The following ABCA1 variants were observed in gnomAD, a reference collection of about 807,000 sequenced individuals.
ABCA1 encodes phospholipid-transporting ATPase ABCA1.
In ABCA1, 133 loss-of-function variants were observed where a neutral mutation model predicts 262.5. The ratio of observed to expected loss-of-function variants is 0.51; its 90% CI spans 0.44 to 0.59. The LOEUF is 0.59. ABCA1 is among the 20% of genes least tolerant of loss of function. The probability of loss-of-function intolerance (pLI) is 0.00; values close to 1 mark genes in which losing one functional copy is unlikely to be tolerated. For synonymous variants in ABCA1, 1,022 were observed against 1,043.5 expected (o/e 0.98, Z 0.40); for missense variants, 2,452 against 2,777.5 (o/e 0.88, Z 2.63).
intron 13 of ABCA1, 55 bp from the exon 14 acceptor site, chr9:104,831,156 A>T: frequency 2.1e-6 from 3 of 1,437,538 alleles, no homozygotes; most frequent in East Asian, 2.7e-5. Context: ...CAATAAAAAA[A>T]AAAAAAAAAA....
At chr9:104,829,390 G>A (rs1014451493) in intron 14 of ABCA1, among the ~76,000 whole-genome samples, 4 of 151,986 alleles carry the variant, frequency 2.6e-5, no homozygotes, top group Non-Finnish European at 5.9e-5. Flanking sequence ...CTAGGTAACT[G>A]TGAGCGATAC....
intron 6 of ABCA1, chr9:104,861,451 A>G (rs1220025626): frequency 4.9e-6 from 3 of 611,212 alleles, no homozygotes; most frequent in African/African-American, 3.7e-5. Context: ...GCCAGAAATC[A>G]ATTTTATTTT....
rs2297401 is a variant in ABCA1 at position 104,817,191 on chromosome 9, A to C, written c.3535+141T>G. On this transcript the variant is annotated intron_variant, in intron 24 of 49. Transcript: ENST00000374736. The surrounding 1 kb of genome is among the most constrained non-coding windows in gnomAD (Gnocchi z 4.7). ...CAACCCGCCACCAAGCTGCTCCCAC[A>C]CCCGCAGCCACCCAGCCCCAGCCCA... 0.046 allele frequency: 71,275 copies of C among 1,557,018 alleles called. 2,020 individuals carry two copies. The highest frequency in any genetic ancestry group is 0.14 in the East Asian group (5,743 of 41,914).
In ABCA1 at chr9:104,786,853, C is replaced by A. The variant is rs1321390016; in HGVS notation, c.6308+20G>T. The A allele has an allele frequency of 1.3e-6, 2 of 1,598,286 alleles. No individual in the cohort carries two copies. The highest frequency in any genetic ancestry group is 2.7e-5 in the African/African-American group (2 of 74,576). ...AGTTAAAACATCCCACAGTGAGGAA[C>A]CCAAGACTTTACTACGGACCTATGA... On this transcript the variant is annotated intron_variant, in intron 47 of 49. Transcript: ENST00000374736.
rs368105002 is a variant in ABCA1, at chr9:104,793,245, G to A, written c.5562C>T (p.Phe1854=). 73 of 1,613,960 alleles carry A rather than the reference G, an allele frequency of 4.5e-5. No individual in the cohort carries two copies. The highest frequency in any genetic ancestry group is 5.6e-5 in the Non-Finnish European group (66 of 1,180,014). ...LSWDLVGRNL[F]AMAVEGVVFF... ...ACACCACCCCTTCCACGGCCATGGC[G>A]AAGAGGTTTCGTCCCACCAAGTCCC... Residue 1854 remains phenylalanine (F), a synonymous_variant, in exon 41 of 50, where the codon TTC becomes TTT. Coordinates refer to ENST00000374736, the MANE Select transcript of ABCA1 (RefSeq NM_005502.4).
At chr9:104,881,556 T>G (rs1350522353) in intron 5 of ABCA1, among the ~76,000 whole-genome samples, 2 of 152,158 alleles carry the variant, frequency 1.3e-5, no homozygotes, top group Admixed American at 6.5e-5. Context: ...TTTATCTCAT[T>G]AACAGGTAAG....
intron 2 of ABCA1, among the ~76,000 whole-genome samples, chr9:104,897,845 C>T (rs1046978056): frequency 3.3e-5 from 5 of 152,180 alleles, no homozygotes; most frequent in African/African-American, 4.8e-5. Context: ...TCAAGTGATC[C>T]GCCCACCTTG....
intron 26 of ABCA1, 47 bp from the exon 27 acceptor site, chr9:104,814,278 A>G (rs113493479): frequency 6.2e-7 from 1 of 1,601,922 alleles, no homozygotes; most frequent in African/African-American, 1.3e-5. Context: ...ATTTACAACA[A>G]AACAAACCTT....
In ABCA1 at chr9:104,786,363, AG is replaced by A. The variant is rs1309681331; in HGVS notation, c.6335del (p.Thr2112IlefsTer20). ...HSMEECEALC[T>X]RMAIMVNGRF... ...TTCCATTGACCATGATTGCCATCCT[AG>A]TGCAAAGAGCTTCACATTCTTCCAT... On this transcript the variant is annotated frameshift_variant, in exon 48 of 50. Transcript: ENST00000374736. LOFTEE classifies it high-confidence loss of function. 5 of 1,614,158 alleles carry A rather than the reference AG, an allele frequency of 3.1e-6. No individual in the cohort carries two copies. Among genetic ancestry groups the A allele is most frequent in the Non-Finnish European group, 4.2e-6 (5 of 1,180,016 alleles).
At chr9:104,875,179 ATAAAAAT>A (rs1455556872) in intron 5 of ABCA1, among the ~76,000 whole-genome samples, 2 of 152,124 alleles carry the variant, frequency 1.3e-5, no homozygotes, top group South Asian at 4.1e-4. Context: ...AAATAAATAA[ATAAAAAT>A]TAAAAAATTA....
intron 5 of ABCA1, among the ~76,000 whole-genome samples, chr9:104,871,732 G>A (rs905807769): frequency 2.0e-5 from 3 of 152,236 alleles, no homozygotes; most frequent in Middle Eastern, 6.8e-3. Flanking sequence ...GGAGTGAAAA[G>A]AAGGTAAGAG....
chr9:104,862,489 TCA>T lies in ABCA1; in HGVS notation c.422-691_422-690del, dbSNP rs534991380. Among the ~76,000 whole-genome samples, 668 of 152,144 alleles carry T rather than the reference TCA, an allele frequency of 4.4e-3. 9 individuals are homozygous for T. The highest frequency in any genetic ancestry group is 0.015 in the African/African-American group (630 of 41,518). ...TCATTCCTGTCTCCCCACTGCCTTT[TCA>T]CAGAGCTAAAATTGGAGAGATTTAA... On this transcript the variant is annotated intron_variant, in intron 5 of 49. Coordinates refer to ENST00000374736, the MANE Select transcript of ABCA1 (RefSeq NM_005502.4).
At position 104,817,186 on chromosome 9, in the gene ABCA1, C is replaced by T. The variant is rs1831851172; in HGVS notation, c.3535+146G>A. On this transcript the variant is annotated intron_variant, in intron 24 of 49. Transcript: ENST00000374736. This position sits in a 1 kb window ranked among gnomAD's most constrained non-coding sequence, Gnocchi z 4.7. Reference sequence around the variant, plus strand: ...TAGGCCAACCCGCCACCAAGCTGCTCCCACACCCGCAGCCACCCAGCCCCA... The same window carrying T: ...TAGGCCAACCCGCCACCAAGCTGCTTCCACACCCGCAGCCACCCAGCCCCA... 9.0e-6 allele frequency: 14 copies of T among 1,551,800 alleles called. No individual in the cohort carries two copies. The highest frequency in any genetic ancestry group is 4.1e-5 in the African/African-American group (3 of 73,538).
chr9:104,834,529 T>C (rs1292890570), intron 11 of ABCA1, among the ~76,000 whole-genome samples: 1 of 148,828 alleles, frequency 6.7e-6, no homozygotes, highest in Non-Finnish European at 1.5e-5. Flanking sequence ...ACGCAGCCTT[T>C]AGGGTGAAGT....
intron 6 of ABCA1, 73 bp downstream of exon 6, chr9:104,861,606 T>A (rs1836392083): frequency 6.3e-7 from 1 of 1,593,908 alleles, no homozygotes; most frequent in African/African-American, 1.3e-5. Flanking sequence ...CAAGGGTTTA[T>A]TCATTTCTTT....
rs1459229334 is a variant in ABCA1, at chr9:104,845,553, G to A, written c.737C>T (p.Thr246Ile). 1.2e-6 allele frequency: 2 copies of A among 1,612,928 alleles called. No homozygotes were observed. The highest frequency in any genetic ancestry group is 3.3e-5 in the Admixed American group (2 of 59,998). The change falls in exon 8 of 50, where the codon ACA (threonine) becomes ATA (isoleucine). Residue 246 changes from threonine to isoleucine, a missense_variant. Thr to Ile is a moderately conservative substitution (Grantham distance 89, BLOSUM62 -1). Coordinates refer to ENST00000374736, the MANE Select transcript of ABCA1 (RefSeq NM_005502.4). ...CAGCTCCTTGCTCGGGAAGGGAGATGTAGAGTTTAGTGTTCTCTGTAATGA... is the reference window on the plus strand; with the variant it reads ...CAGCTCCTTGCTCGGGAAGGGAGATATAGAGTTTAGTGTTCTCTGTAATGA... ...LKPILRTLNS[T>I]SPFPSKELAE...
At chr9:104,906,099 T>C (rs1261534629) in intron 1 of ABCA1, among the ~76,000 whole-genome samples, 2 of 152,230 alleles carry the variant, frequency 1.3e-5, no homozygotes, top group African/African-American at 2.4e-5. Flanking sequence ...CTTCTCCCCA[T>C]TTATCTTTCT....
intron 11 of ABCA1, among the ~76,000 whole-genome samples, 170 bp downstream of exon 11, chr9:104,836,810 G>A (rs1342357039): frequency 6.6e-6 from 1 of 152,178 alleles, no homozygotes; most frequent in Non-Finnish European, 1.5e-5. Context: ...TCTGCACCAT[G>A]GCCTGTACTT....
chr9:104,838,126 G>A (rs1024067250), intron 9 of ABCA1, among the ~76,000 whole-genome samples: 1 of 151,644 alleles, frequency 6.6e-6, no homozygotes, highest in Non-Finnish European at 1.5e-5. Context: ...GGGAGTTCGA[G>A]ACCAGCCTGA....
Sources: gnomAD v4.1 joint callset for allele counts (sites outside exome capture counted in the v4.1 genomes callset) on GRCh38, gnomAD v4.1.1 for gene constraint, Gnocchi (gnomAD v3.1) non-coding constraint, MANE v1.5 for transcripts, NCBI Gene and HGNC (gene_info 2026-07-23, HGNC 2026-07-21) for gene names.